ENTREP2: variants seen among roughly 807,000 people sequenced by gnomAD.
ENTREP2 encodes protein ENTREP2.
At chr15:29,453,846 T>C in the ENTREP2 span, among the ~76,000 whole-genome samples, 12 of 152,212 alleles carry the variant, frequency 7.9e-5, no homozygotes, top group African/African-American at 2.7e-4. Context: ...ACGGTTTTAA[T>C]GGCCACAGAA....
At chr15:29,138,587 C>G in the ENTREP2 span, among the ~76,000 whole-genome samples, 267 of 78,290 alleles carry the variant, frequency 3.4e-3, no homozygotes, top group South Asian at 0.011. Context: ...GTGCATGTGT[C>G]TGTGTATATA....
the ENTREP2 span, chr15:29,268,385 A>T: frequency 5.9e-6 from 1 of 169,142 alleles, no homozygotes; most frequent in Non-Finnish European, 1.2e-5. Context: ...TATTTTTTTT[A>T]ATTTTATAAA....
the ENTREP2 span, among the ~76,000 whole-genome samples, chr15:29,636,610 C>A: frequency 6.6e-6 from 1 of 152,230 alleles, no homozygotes; most frequent in East Asian, 1.9e-4. Context: ...AAGCAAGACC[C>A]TGATACGACG....
chr15:29,428,901 T>C, the ENTREP2 span, among the ~76,000 whole-genome samples: 4 of 152,218 alleles, frequency 2.6e-5, no homozygotes, highest in Non-Finnish European at 5.9e-5. Flanking sequence ...CAACATTCAC[T>C]GCACAGAGAG....
chr15:29,373,174 AG>A, the ENTREP2 span, among the ~76,000 whole-genome samples: 10 of 152,126 alleles, frequency 6.6e-5, no homozygotes, highest in African/African-American at 2.4e-4. Flanking sequence ...AAAAATAAAA[AG>A]AAAAAATAAA....
At chr15:29,135,137 A>G in the ENTREP2 span, among the ~76,000 whole-genome samples, 2,366 of 149,476 alleles carry the variant, frequency 0.016, 56 homozygotes, top group African/African-American at 0.055. The surrounding 1 kb of genome is among the most constrained non-coding windows in gnomAD (Gnocchi z 7.4). Flanking sequence ...TCCCTGGTGA[A>G]TCTGCAAGTC....
the ENTREP2 span, among the ~76,000 whole-genome samples, chr15:29,144,767 T>C: frequency 6.6e-6 from 1 of 151,662 alleles, no homozygotes; most frequent in Admixed American, 6.6e-5. Flanking sequence ...TAGCCGGGTG[T>C]GGTGGCTCAC....
the ENTREP2 span, among the ~76,000 whole-genome samples, chr15:29,349,015 A>G: frequency 6.6e-6 from 1 of 152,222 alleles, no homozygotes; most frequent in African/African-American, 2.4e-5. Context: ...GCAATTAACA[A>G]AAAGTCCAGT....
the ENTREP2 span, among the ~76,000 whole-genome samples, chr15:29,605,785 C>T: frequency 6.6e-6 from 1 of 151,808 alleles, no homozygotes; most frequent in Non-Finnish European, 1.5e-5. Context: ...TGCAGTGAGC[C>T]GAGAGCACCA....
At chr15:29,378,815 A>G in the ENTREP2 span, among the ~76,000 whole-genome samples, 1 of 152,342 alleles carries the variant, frequency 6.6e-6, no homozygotes, top group South Asian at 2.1e-4. Context: ...ATATCTATCT[A>G]TATCTGCCTC....
chr15:29,577,147 C>T, the ENTREP2 span, among the ~76,000 whole-genome samples: 1 of 151,608 alleles, frequency 6.6e-6, no homozygotes, highest in East Asian at 1.9e-4. Context: ...AAGAAAGGAG[C>T]AAGTGTTGGT....
chr15:29,210,300 C>T, the ENTREP2 span, among the ~76,000 whole-genome samples: 4 of 152,214 alleles, frequency 2.6e-5, no homozygotes, highest in Admixed American at 6.5e-5. Flanking sequence ...CTGGGTCAAA[C>T]GTGCCTGCAC....
At chr15:29,462,885 T>G in the ENTREP2 span, among the ~76,000 whole-genome samples, 1 of 152,104 alleles carries the variant, frequency 6.6e-6, no homozygotes, top group East Asian at 1.9e-4. Context: ...TCCTAAGATA[T>G]GTAGTTTCTA....
At chr15:29,160,104 CAGCAGCTGCTGGCCCAGGTGCTA>C in the ENTREP2 span, among the ~76,000 whole-genome samples, 1 of 152,222 alleles carries the variant, frequency 6.6e-6, no homozygotes, top group Admixed American at 6.5e-5. Flanking sequence ...AAATTGAGCA[CAGCAGCTGCTGGCCCAGGTGCTA>C]AGCCCCTCAC....
At chr15:29,332,159 A>T in the ENTREP2 span, among the ~76,000 whole-genome samples, 4 of 152,258 alleles carry the variant, frequency 2.6e-5, no homozygotes, top group Non-Finnish European at 5.9e-5. Flanking sequence ...GCTAAACAAG[A>T]GGTCGAAGAA....
At chr15:29,129,910 A>C in the ENTREP2 span, among the ~76,000 whole-genome samples, 224 of 152,272 alleles carry the variant, frequency 1.5e-3, 3 homozygotes, top group African/African-American at 5.0e-3. Flanking sequence ...TTATTTCAGA[A>C]TTGCTTTGGG....
chr15:29,334,696 C>T, the ENTREP2 span, among the ~76,000 whole-genome samples: 2 of 152,184 alleles, frequency 1.3e-5, no homozygotes, highest in Non-Finnish European at 1.5e-5. Context: ...GCCTCTCGCA[C>T]ACCGGCCGGC....
chr15:29,130,286 G>A, the ENTREP2 span, among the ~76,000 whole-genome samples: 46 of 152,296 alleles, frequency 3.0e-4, no homozygotes, highest in Admixed American at 1.4e-3. Flanking sequence ...ATTCTGCTGG[G>A]AGGGAATCGG....
the ENTREP2 span, among the ~76,000 whole-genome samples, chr15:29,318,009 T>G: frequency 6.6e-6 from 1 of 152,140 alleles, no homozygotes; most frequent in Non-Finnish European, 1.5e-5. Context: ...GAAACATGGC[T>G]CTCACAGGCA....
Sources: gnomAD v4.1 joint callset for allele counts (sites outside exome capture counted in the v4.1 genomes callset) on GRCh38, gnomAD v4.1.1 for gene constraint, Gnocchi (gnomAD v3.1) non-coding constraint, MANE v1.5 for transcripts, NCBI Gene and HGNC (gene_info 2026-07-23, HGNC 2026-07-21) for gene names.